Variants in CREB5 observed in about 807,000 individuals in gnomAD.
CREB5 encodes cyclic AMP-responsive element-binding protein 5.
A neutral mutation model predicts 57.1 loss-of-function variants in CREB5; 19 were observed. That is an observed-to-expected ratio of 0.33 (90% CI 0.23 to 0.49). CREB5 has a LOEUF of 0.49. CREB5 is among the 20% of genes least tolerant of loss of function. The pLI, the probability that CREB5 is intolerant of heterozygous loss-of-function variation, is 0.99. For synonymous variants in CREB5, 238 were observed against 238.3 expected (o/e 1.00, Z 0.01); for missense variants, 579 against 671.6 (o/e 0.86, Z 1.52).
At chr7:28,466,091 C>T (rs1790551771) in intron 1 of CREB5, among the ~76,000 whole-genome samples, 1 of 151,868 alleles carries the variant, frequency 6.6e-6, no homozygotes, top group South Asian at 2.1e-4. Flanking sequence ...CATAATAACA[C>T]CTTCATTTAG....
At chr7:28,651,815 C>T (rs1799139776) in intron 5 of CREB5, among the ~76,000 whole-genome samples, 1 of 152,026 alleles carries the variant, frequency 6.6e-6, no homozygotes, top group South Asian at 2.1e-4. Flanking sequence ...AGTGCTACAC[C>T]TGTCTTTTGC....
intron 5 of CREB5, among the ~76,000 whole-genome samples, chr7:28,671,062 G>C (rs1370045066): frequency 6.6e-6 from 1 of 151,826 alleles, no homozygotes. Context: ...CAAGGAGTTC[G>C]AGACTAGCCT....
intron 7 of CREB5, among the ~76,000 whole-genome samples, chr7:28,766,556 G>C (rs1806000897): frequency 1.3e-5 from 2 of 152,226 alleles, no homozygotes; most frequent in South Asian, 4.1e-4. Flanking sequence ...CAAATGCCTT[G>C]TAATTGTTGT....
At chr7:28,752,232 C>T (rs1487500123) in intron 7 of CREB5, among the ~76,000 whole-genome samples, 1 of 152,108 alleles carries the variant, frequency 6.6e-6, no homozygotes, top group Non-Finnish European at 1.5e-5. Context: ...AGTGGCAAGA[C>T]CTCAGCTCAC....
chr7:28,766,438 C>G (rs985267424), intron 7 of CREB5, among the ~76,000 whole-genome samples: 1 of 152,174 alleles, frequency 6.6e-6, no homozygotes, highest in East Asian at 1.9e-4. Context: ...AATGATAAAG[C>G]ATTAACATGC....
chr7:28,350,963 G>A (rs1188134728), intron 1 of CREB5, among the ~76,000 whole-genome samples: 1 of 152,214 alleles, frequency 6.6e-6, no homozygotes, highest in Non-Finnish European at 1.5e-5. Context: ...GTGACAAAAA[G>A]AGACTCAACA....
At chr7:28,459,733 T>C (rs1583489016) in intron 1 of CREB5, among the ~76,000 whole-genome samples, 1 of 152,238 alleles carries the variant, frequency 6.6e-6, no homozygotes, top group African/African-American at 2.4e-5. Context: ...CACTTGGGTT[T>C]ATGCTGGCCT....
At chr7:28,551,535 A>G (rs1286289466) in intron 4 of CREB5, among the ~76,000 whole-genome samples, 3 of 152,192 alleles carry the variant, frequency 2.0e-5, no homozygotes, top group Non-Finnish European at 4.4e-5. Flanking sequence ...GGTCTAAAGC[A>G]TTTGCATTTG....
At chr7:28,373,746 G>A (rs1430014968) in intron 1 of CREB5, among the ~76,000 whole-genome samples, 1 of 151,602 alleles carries the variant, frequency 6.6e-6, no homozygotes, top group African/African-American at 2.4e-5. Flanking sequence ...TCTTAATACT[G>A]TTACATATTT....
At chr7:28,309,590 G>A (rs561328871) in intron 1 of CREB5, among the ~76,000 whole-genome samples, 28 of 152,244 alleles carry the variant, frequency 1.8e-4, no homozygotes, top group African/African-American at 6.7e-4. Flanking sequence ...TGCCCTCATT[G>A]CTGAGCTGCC....
At chr7:28,779,046 A>G (rs752448830) in intron 7 of CREB5, 7 of 152,178 alleles carry the variant, frequency 4.6e-5, no homozygotes, top group Non-Finnish European at 8.8e-5. Context: ...CCATGCGTCC[A>G]TTTTCCAAAT....
At chr7:28,708,164 G>A (rs899628660) in intron 5 of CREB5, among the ~76,000 whole-genome samples, 1 of 152,174 alleles carries the variant, frequency 6.6e-6, no homozygotes, top group Non-Finnish European at 1.5e-5. Flanking sequence ...GCCTTGTTAG[G>A]CAATGCCCCT....
At chr7:28,653,255 A>G (rs1355764032) in intron 5 of CREB5, among the ~76,000 whole-genome samples, 1 of 152,172 alleles carries the variant, frequency 6.6e-6, no homozygotes, top group Non-Finnish European at 1.5e-5. Context: ...CTAAACATAT[A>G]TAAGATTGTG....
intron 5 of CREB5, among the ~76,000 whole-genome samples, chr7:28,707,003 C>T (rs1228885868): frequency 1.3e-5 from 2 of 152,096 alleles, no homozygotes; most frequent in African/African-American, 2.4e-5. Context: ...TCAGTGCTCT[C>T]AAATATTCTC....
At chr7:28,599,315 G>C (rs1027589295) in intron 5 of CREB5, among the ~76,000 whole-genome samples, 4 of 151,976 alleles carry the variant, frequency 2.6e-5, no homozygotes, top group Non-Finnish European at 5.9e-5. Flanking sequence ...ATTTTATTTG[G>C]GATTTTCTTC....
At chr7:28,662,397 T>C (rs1427481847) in intron 5 of CREB5, among the ~76,000 whole-genome samples, 3 of 152,214 alleles carry the variant, frequency 2.0e-5, no homozygotes, top group Admixed American at 6.5e-5. Flanking sequence ...TTCAAGCTAC[T>C]GAGAGGAGTT....
intron 1 of CREB5, among the ~76,000 whole-genome samples, chr7:28,478,943 T>A (rs953350734): frequency 4.6e-5 from 7 of 152,204 alleles, no homozygotes; most frequent in Admixed American, 1.3e-4. Flanking sequence ...AATGATAATT[T>A]CACATACTTT....
At chr7:28,630,584 A>G (rs956800690) in intron 5 of CREB5, among the ~76,000 whole-genome samples, 2 of 152,186 alleles carry the variant, frequency 1.3e-5, no homozygotes, top group African/African-American at 2.4e-5. Flanking sequence ...GTTCGAAAAA[A>G]TGTGGCTGCT....
At chr7:28,704,038 G>A (rs1801988561) in intron 5 of CREB5, among the ~76,000 whole-genome samples, 1 of 152,162 alleles carries the variant, frequency 6.6e-6, no homozygotes, top group Non-Finnish European at 1.5e-5. Context: ...CAGACCTGGA[G>A]GATTTTCATC....
Sources: gnomAD v4.1 joint callset for allele counts (sites outside exome capture counted in the v4.1 genomes callset) on GRCh38, gnomAD v4.1.1 for gene constraint, MANE v1.5 for transcripts, NCBI Gene and HGNC (gene_info 2026-07-23, HGNC 2026-07-21) for gene names.